TRPM3: variants seen among roughly 807,000 people sequenced by gnomAD.
TRPM3 encodes transient receptor potential cation channel subfamily M member 3, also known as long transient receptor potential channel 3.
Under a neutral mutation model 181.2 loss-of-function variants are expected in TRPM3, and 77 were observed. The observed-to-expected ratio is 0.42, with a 90% confidence interval of 0.35 to 0.51. The LOEUF (loss-of-function observed/expected upper bound fraction) is 0.51, where lower values mean the gene tolerates loss of function less well. Ranked by LOEUF, TRPM3 falls within the 20% of genes least tolerant of loss-of-function variation. The pLI, the probability that TRPM3 is intolerant of heterozygous loss-of-function variation, is 0.01. For missense variants in TRPM3, 1,759 were observed against 2,196.7 expected (o/e 0.80, Z 3.98); for synonymous variants, 745 against 796.4 (o/e 0.94, Z 1.09).
At chr9:71,223,255 A>G (rs2080357138) in intron 1 of TRPM3, among the ~76,000 whole-genome samples, 1 of 152,128 alleles carries the variant, frequency 6.6e-6, no homozygotes, top group East Asian at 1.9e-4. Context: ...CAGAGTCATG[A>G]GGCCCCTGTT....
intron 8 of TRPM3, among the ~76,000 whole-genome samples, chr9:70,757,641 G>C (rs1041299989): frequency 6.6e-6 from 1 of 152,104 alleles, no homozygotes; most frequent in African/African-American, 2.4e-5. Flanking sequence ...TATCCACCAC[G>C]ATAAAGTCAG....
At chr9:70,835,954 C>G (rs2094292696) in intron 5 of TRPM3, among the ~76,000 whole-genome samples, 1 of 152,104 alleles carries the variant, frequency 6.6e-6, no homozygotes, top group Admixed American at 6.6e-5. Context: ...AAAATGATGA[C>G]TTCTGAATGC....
At chr9:70,915,117 T>G (rs890277816) in intron 1 of TRPM3, among the ~76,000 whole-genome samples, 3 of 152,066 alleles carry the variant, frequency 2.0e-5, no homozygotes, top group Non-Finnish European at 4.4e-5. Context: ...AATAAGATCA[T>G]AGAGAAACAG....
intron 11 of TRPM3, among the ~76,000 whole-genome samples, chr9:70,637,614 C>T (rs1589633960): frequency 6.6e-6 from 1 of 152,184 alleles, no homozygotes; most frequent in African/African-American, 2.4e-5. Context: ...CTGGAGAAAA[C>T]AGAGACTAGG....
intron 6 of TRPM3, chr9:70,824,934 T>C (rs1257365739): frequency 2.0e-5 from 3 of 152,260 alleles, no homozygotes; most frequent in Non-Finnish European, 4.4e-5. Context: ...CATTTTTTGC[T>C]GTTAATTGAA....
intron 17 of TRPM3, 35 bp from the exon 18 acceptor site, chr9:70,616,110 A>G: frequency 1.4e-6 from 2 of 1,462,656 alleles, no homozygotes; most frequent in Non-Finnish European, 1.8e-6. Flanking sequence ...TAATAATCAC[A>G]TTTAAAGGAT....
intron 6 of TRPM3, chr9:70,811,162 A>T (rs1322660724): frequency 6.2e-7 from 1 of 1,604,538 alleles, no homozygotes; most frequent in Non-Finnish European, 8.5e-7. Context: ...TCCATTAATT[A>T]TACTTACCAA....
chr9:71,263,742 C>T (rs1309697535), intron 1 of TRPM3, among the ~76,000 whole-genome samples: 1 of 138,610 alleles, frequency 7.2e-6, no homozygotes, highest in Non-Finnish European at 1.6e-5. Flanking sequence ...GGAATAATCA[C>T]CCCTGGTCTC....
intron 9 of TRPM3, among the ~76,000 whole-genome samples, chr9:70,645,226 A>G (rs1330495552): frequency 1.3e-5 from 2 of 152,214 alleles, no homozygotes; most frequent in Non-Finnish European, 2.9e-5. Flanking sequence ...TTCTTATGGA[A>G]CCAAAAAAGA....
At chr9:70,878,702 ATCATTCACAAACAG>A (rs2095919216) in intron 1 of TRPM3, among the ~76,000 whole-genome samples, 1 of 152,052 alleles carries the variant, frequency 6.6e-6, no homozygotes, top group African/African-American at 2.4e-5. Flanking sequence ...TTGTACTCTT[ATCATTCACAAACAG>A]TTTGTGGGCC....
rs55885675 is a variant in TRPM3, at chr9:71,341,669, TAAAAA to T, written c.183+104979_183+104983del. Among the ~76,000 whole-genome samples the T allele has an allele frequency of 4.0e-5, 6 of 150,516 alleles. No individual in the cohort carries two copies. The East Asian group carries it at 9.7e-4, about 24-fold the overall frequency. ...ATCCTGGAAAAGAAAAAGAAACTAG[TAAAAA>T]AAAAAAAAGAAAAAACTGGTAAAAA... is the stretch of plus-strand genomic sequence containing the variant. On this transcript the variant is annotated intron_variant, in intron 1 of 24. Transcript: ENST00000357533.
chr9:71,261,588 G>GT (rs1255613889), intron 1 of TRPM3, among the ~76,000 whole-genome samples: 10 of 152,126 alleles, frequency 6.6e-5, no homozygotes, highest in African/African-American at 2.4e-4. Context: ...AAGCATTCTG[G>GT]TTTTTGGAAT....
At chr9:71,236,080 TATA>T (rs2131936421) in intron 1 of TRPM3, among the ~76,000 whole-genome samples, 1 of 152,324 alleles carries the variant, frequency 6.6e-6, no homozygotes, top group South Asian at 2.1e-4. Flanking sequence ...ACCAATGTCA[TATA>T]ATAAGTTAAC....
intron 1 of TRPM3, among the ~76,000 whole-genome samples, chr9:70,967,613 C>T (rs115656398): frequency 1.3e-3 from 201 of 152,110 alleles, no homozygotes; most frequent in African/African-American, 4.5e-3. Flanking sequence ...TCCCATGGAA[C>T]ACATAAGATG....
chr9:70,879,098 T>C (rs1312816550), intron 1 of TRPM3, among the ~76,000 whole-genome samples: 2 of 152,100 alleles, frequency 1.3e-5, no homozygotes, highest in Non-Finnish European at 2.9e-5. Flanking sequence ...ATTTTGCAGA[T>C]AAGGACACTG....
intron 6 of TRPM3, among the ~76,000 whole-genome samples, chr9:70,796,231 G>A (rs1458051767): frequency 6.6e-6 from 1 of 152,172 alleles, no homozygotes; most frequent in Admixed American, 6.5e-5. Context: ...AATTAATAAG[G>A]AGCAAAGCAG....
intron 24 of TRPM3, 47 bp downstream of exon 24, chr9:70,552,797 G>A: frequency 1.3e-6 from 2 of 1,597,942 alleles, no homozygotes; most frequent in Admixed American, 1.7e-5. Flanking sequence ...ATAGGAAGTG[G>A]TAGGGATTTC....
intron 1 of TRPM3, among the ~76,000 whole-genome samples, chr9:71,050,008 C>A (rs2059890439): frequency 6.6e-6 from 1 of 152,076 alleles, no homozygotes. Context: ...TTACCATTCA[C>A]ACACACATAA....
At chr9:70,638,084 A>AGG (rs2057499373) in intron 11 of TRPM3, among the ~76,000 whole-genome samples, 1 of 152,082 alleles carries the variant, frequency 6.6e-6, no homozygotes, top group African/African-American at 2.4e-5. Flanking sequence ...CTCCTTTGTG[A>AGG]GGGGGATTAA....
Sources: allele counts gnomAD v4.1 joint callset (sites outside exome capture counted in the v4.1 genomes callset), GRCh38; gene constraint gnomAD v4.1.1; transcripts MANE v1.5; gene names NCBI Gene and HGNC (gene_info 2026-07-23, HGNC 2026-07-21).